NEU3: variants seen among roughly 807,000 people sequenced by gnomAD.
NEU3 encodes the protein sialidase-3.
NEU3 carries 10 observed loss-of-function variants against 11.4 expected under a neutral mutation model. That is an observed-to-expected ratio of 0.88 (90% CI 0.54 to 1.49). NEU3 has a LOEUF of 1.49. NEU3 is among the 40% of genes most tolerant of loss of function. The pLI, the probability that NEU3 is intolerant of heterozygous loss-of-function variation, is 0.00. For synonymous variants in NEU3, 212 were observed against 228.2 expected, an observed-to-expected ratio of 0.93 and a Z score of 0.64; for missense variants, 529 against 581.8, an observed-to-expected ratio of 0.91 and a Z score of 0.93.
chr11:74,994,307 T>C (rs1591753770), intron 1 of NEU3, among the ~76,000 whole-genome samples: 1 of 152,230 alleles, frequency 6.6e-6, no homozygotes, highest in Non-Finnish European at 1.5e-5. Flanking sequence ...CTGGAGTTAA[T>C]GAAATTCTCA....
In NEU3 at chr11:75,006,336, G is replaced by A. The variant is rs1346664408; in HGVS notation, c.1230G>A (p.Glu410=). Residue 410 remains glutamate, a synonymous_variant, in exon 3 of 3, where the codon GAG becomes GAA. Coordinates refer to ENST00000294064, the MANE Select transcript of NEU3 (RefSeq NM_006656.6). The stretch of plus-strand genomic sequence containing the variant: ...GCTACTCTGATCTGGCTGCTCTGGA[G>A]GAGGAGGGCTTGTTTGGGTGTTTGT... ...PCGYSDLAAL[E]EEGLFGCLFE... 6.2e-7 allele frequency: 1 copy of A among 1,613,912 alleles called. No homozygotes were observed. The highest frequency in any genetic ancestry group is 8.5e-7 in the Non-Finnish European group (1 of 1,179,918).
downstream of NEU3, among the ~76,000 whole-genome samples, chr11:75,014,237 C>A (rs759003897): frequency 1.3e-5 from 2 of 152,104 alleles, no homozygotes; most frequent in Non-Finnish European, 2.9e-5. Flanking sequence ...GAAATGAGAA[C>A]CTGGATTCTC....
At chr11:74,986,589 G>GT (rs1343103082), upstream of NEU3, among the ~76,000 whole-genome samples, 1 of 152,136 alleles carries the variant, frequency 6.6e-6, no homozygotes, top group African/African-American at 2.4e-5. Flanking sequence ...AAGGAATAAA[G>GT]TTTGTTTAAT....
chr11:75,003,283 A>G (rs1948864768), intron 2 of NEU3, among the ~76,000 whole-genome samples: 1 of 152,180 alleles, frequency 6.6e-6, no homozygotes, highest in African/African-American at 2.4e-5. Context: ...TTGTCAAATG[A>G]CTTGCTCAGC....
rs142371466 is a variant in NEU3 at position 75,001,747 on chromosome 11, A to G, written c.307-3666A>G. ...TATGTTTACTCTTTTTTCCATCTTC[A>G]TGTCAACTGTATGTTAGATATACCT... On this transcript the variant is annotated intron_variant, in intron 2 of 2. Coordinates refer to ENST00000294064, the MANE Select transcript of NEU3 (RefSeq NM_006656.6). 7.9e-5 allele frequency among the ~76,000 whole-genome samples: 12 copies of G among 152,162 alleles called. No individual in the cohort carries two copies. The East Asian group carries it at 2.3e-3, about 29-fold the overall frequency.
At chr11:74,981,204 G>C in the NEU3 span, among the ~76,000 whole-genome samples, 1 of 152,192 alleles carries the variant, frequency 6.6e-6, no homozygotes. Context: ...GGATTTCTCT[G>C]TGACAAACTG....
At chr11:74,990,242 C>CT in intron 1 of NEU3, 1 of 473,832 alleles carries the variant, frequency 2.1e-6, no homozygotes. Context: ...AATCCAAGAC[C>CT]TAGAGGTTGA....
At position 75,005,971 on chromosome 11, in the gene NEU3, A is replaced by G. The variant is rs904815986; in HGVS notation, c.865A>G (p.Ser289Gly). The stretch of plus-strand genomic sequence containing the variant: ...AAACAGGTGCCGGGCAGAGGCGCTC[A>G]GCACTGACCATGGTGAAGGCTTTCA... Reference protein sequence around the residue: ...TPNRCRAEALSTDHGEGFQRL... With the variant: ...TPNRCRAEALGTDHGEGFQRL... Residue 289 changes from serine to glycine, a missense_variant, in exon 3 of 3, where the codon AGC (serine) becomes GGC (glycine). Coordinates refer to ENST00000294064, the MANE Select transcript of NEU3 (RefSeq NM_006656.6). 2.5e-6 allele frequency: 4 copies of G among 1,613,826 alleles called. No individual in the cohort carries two copies. The highest frequency in any genetic ancestry group is 1.7e-5 in the Admixed American group (1 of 60,000).
chr11:74,999,386 C>T (rs185319168), intron 2 of NEU3, among the ~76,000 whole-genome samples: 82 of 152,340 alleles, frequency 5.4e-4, no homozygotes, highest in African/African-American at 1.9e-3. Context: ...AACTTGTCCA[C>T]TTTAACTCAT....
chr11:74,990,999 T>A (rs1948726007), intron 1 of NEU3, among the ~76,000 whole-genome samples: 1 of 152,258 alleles, frequency 6.6e-6, no homozygotes, highest in African/African-American at 2.4e-5. Context: ...ATAGGCCTTG[T>A]AATAGCCACT....
At chr11:74,990,850 T>C (rs377521306) in intron 1 of NEU3, among the ~76,000 whole-genome samples, 4 of 152,364 alleles carry the variant, frequency 2.6e-5, no homozygotes, top group African/African-American at 9.6e-5. Context: ...TAAAGGGGGA[T>C]TTAAATGTTT....
Position 75,005,832 on chromosome 11 carries a change from G to A in NEU3, c.726G>A (p.Gly242=). The part of the protein sequence containing the change: ...HSLMIYSDDL[G]VTWHHGRLIR... ...TGATGATCTACAGTGATGACCTAGG[G>A]GTCACATGGCACCATGGTAGACTCA... The change falls in exon 3 of 3, where the codon GGG becomes GGA. Residue 242 remains glycine (G), a synonymous_variant. Transcript: ENST00000294064. 1 of 1,613,940 alleles carries A rather than the reference G, an allele frequency of 6.2e-7. No individual in the cohort carries two copies. The highest frequency in any genetic ancestry group is 1.3e-5 in the African/African-American group (1 of 75,030).
At chr11:74,994,379 A>G in intron 1 of NEU3, 130 bp from the exon 2 acceptor site, 1 of 604,194 alleles carries the variant, frequency 1.7e-6, no homozygotes, top group Admixed American at 3.1e-5. Flanking sequence ...TTATTCTTGT[A>G]TAAAGAAACA....
chr11:74,992,530 C>T (rs1207735800), intron 1 of NEU3, among the ~76,000 whole-genome samples: 1 of 152,172 alleles, frequency 6.6e-6, no homozygotes, highest in East Asian at 1.9e-4. Flanking sequence ...TCTAAGGCTG[C>T]TTTTTGTCTG....
chr11:75,000,986 G>A lies in NEU3; in HGVS notation c.307-4427G>A, dbSNP rs1275403992. On this transcript the variant is annotated intron_variant, in intron 2 of 2. Coordinates refer to ENST00000294064, the MANE Select transcript of NEU3 (RefSeq NM_006656.6). ...TTCTTTTGGACATAAACACAGAAGT[G>A]GAATTGCTGGATCACTTGGTAATTT... 3.9e-5 allele frequency among the ~76,000 whole-genome samples: 6 copies of A among 152,108 alleles called. No homozygotes were observed. The South Asian group carries it at 1.0e-3, about 26-fold the overall frequency.
At chr11:75,015,147 T>C (rs1188939762), downstream of NEU3, among the ~76,000 whole-genome samples, 5 of 151,972 alleles carry the variant, frequency 3.3e-5, no homozygotes, top group Admixed American at 2.0e-4. Flanking sequence ...CTTTGGGAGG[T>C]GATGAGGTCA....
chr11:74,997,536 C>CT (rs1948801162), intron 2 of NEU3, among the ~76,000 whole-genome samples: 1 of 152,066 alleles, frequency 6.6e-6, no homozygotes, highest in African/African-American at 2.4e-5. Context: ...ACTGGAGTAG[C>CT]ACTTTTAATT....
chr11:74,994,406 C>T (rs1391788831), intron 1 of NEU3, 103 bp from the exon 2 acceptor site: 7 of 763,698 alleles, frequency 9.2e-6, no homozygotes, highest in Non-Finnish European at 1.5e-5. Flanking sequence ...TATATCTGTG[C>T]CCCCCCACCT....
upstream of NEU3, among the ~76,000 whole-genome samples, chr11:74,984,003 C>A (rs1452443402): frequency 6.6e-6 from 1 of 152,004 alleles, no homozygotes; most frequent in African/African-American, 2.4e-5. Context: ...ACATAGAGTT[C>A]TGTTGATAGT....
Sources: allele counts gnomAD v4.1 joint callset (sites outside exome capture counted in the v4.1 genomes callset), GRCh38; gene constraint gnomAD v4.1.1; transcripts MANE v1.5; gene names NCBI Gene and HGNC (gene_info 2026-07-23, HGNC 2026-07-21).